The following ZNF277 variants were observed in gnomAD, a reference collection of about 807,000 sequenced individuals.
The protein encoded by ZNF277 is zinc finger protein 277.
A neutral mutation model predicts 60.7 loss-of-function variants in ZNF277; 55 were observed. That is an observed-to-expected ratio of 0.91 (90% confidence interval 0.73 to 1.13). ZNF277 has a LOEUF of 1.13. Ranked by LOEUF, ZNF277 falls within the 50% of genes most tolerant of loss-of-function variation. The probability of loss-of-function intolerance (pLI) is 0.00; values close to 1 mark genes in which losing one functional copy is unlikely to be tolerated. For synonymous variants in ZNF277, 178 were observed against 179.3 expected (o/e 0.99, Z 0.06); for missense variants, 510 against 523.0 (o/e 0.98, Z 0.24).
chr7:112,333,443 A>T (rs1391059065), intron 7 of ZNF277, among the ~76,000 whole-genome samples: 1 of 152,172 alleles, frequency 6.6e-6, no homozygotes, highest in Non-Finnish European at 1.5e-5. Context: ...ACCCTTTGTA[A>T]TGGTATATGG....
intron 1 of ZNF277, among the ~76,000 whole-genome samples, chr7:112,232,772 A>C (rs916973030): frequency 6.6e-6 from 1 of 152,196 alleles, no homozygotes. Context: ...CTGAAGTTTT[A>C]TCTATGGTCA....
intron 1 of ZNF277, among the ~76,000 whole-genome samples, chr7:112,224,207 A>G (rs1360008244): frequency 6.6e-6 from 1 of 152,262 alleles, no homozygotes; most frequent in Non-Finnish European, 1.5e-5. Context: ...GGGGTGTCCT[A>G]TCTTTTGGCT....
At position 112,309,724 on chromosome 7, in the gene ZNF277, C is replaced by T. The variant is rs554790012; in HGVS notation, c.466-8458C>T. On this transcript the variant is annotated intron_variant, in intron 4 of 11. Coordinates refer to ENST00000361822, the MANE Select transcript of ZNF277 (RefSeq NM_021994.3). Reference sequence around the variant, plus strand: ...CACAGACTATCCTCACTTCAAACACCAGCCACAAATTGGGGGTTCCTCAGG... The same window carrying T: ...CACAGACTATCCTCACTTCAAACACTAGCCACAAATTGGGGGTTCCTCAGG... Among the ~76,000 whole-genome samples the T allele has an allele frequency of 1.1e-4, 16 of 152,044 alleles. 1 individual carries two copies. The South Asian group carries it at 3.3e-3, about 31-fold the overall frequency.
chr7:112,257,079 T>A (rs1403417433), intron 1 of ZNF277, among the ~76,000 whole-genome samples: 1 of 152,202 alleles, frequency 6.6e-6, no homozygotes, highest in Non-Finnish European at 1.5e-5. Context: ...GTAGTTATTT[T>A]TCAATGGGAT....
At chr7:112,257,559 G>A (rs1345866932) in intron 1 of ZNF277, among the ~76,000 whole-genome samples, 2 of 152,054 alleles carry the variant, frequency 1.3e-5, no homozygotes, top group African/African-American at 2.4e-5. Flanking sequence ...ACAGGTATTA[G>A]ACTTCATTAG....
chr7:112,289,497 C>G (rs988388339), intron 2 of ZNF277, among the ~76,000 whole-genome samples: 1 of 152,224 alleles, frequency 6.6e-6, no homozygotes, highest in Non-Finnish European at 1.5e-5. Flanking sequence ...GACATACTCT[C>G]TGCTCCTCAT....
At chr7:112,214,899 C>A (rs1027201854) in intron 1 of ZNF277, among the ~76,000 whole-genome samples, 6 of 151,986 alleles carry the variant, frequency 3.9e-5, no homozygotes, top group African/African-American at 1.5e-4. Flanking sequence ...GAATTTGTAG[C>A]TTTTTAGCAG....
intron 4 of ZNF277, among the ~76,000 whole-genome samples, chr7:112,307,844 A>C (rs557740439): frequency 6.6e-6 from 1 of 151,800 alleles, no homozygotes; most frequent in Admixed American, 6.6e-5. Flanking sequence ...CATTTTATAG[A>C]GTTCTAAAAG....
intron 1 of ZNF277, among the ~76,000 whole-genome samples, chr7:112,227,882 A>G (rs911387338): frequency 1.3e-5 from 2 of 152,016 alleles, no homozygotes; most frequent in Admixed American, 6.5e-5. Flanking sequence ...GCTTGTAGAG[A>G]GAGAAATTTT....
chr7:112,265,162 C>G (rs533705343), intron 1 of ZNF277, among the ~76,000 whole-genome samples: 17 of 152,312 alleles, frequency 1.1e-4, no homozygotes, highest in Middle Eastern at 3.4e-3. Context: ...GGCTGGTTAG[C>G]ACAAAAGGCC....
chr7:112,318,681 G>C (rs1057125311), intron 5 of ZNF277, among the ~76,000 whole-genome samples: 1 of 151,998 alleles, frequency 6.6e-6, no homozygotes, highest in Non-Finnish European at 1.5e-5. Context: ...AACCCCAGCT[G>C]GTCCAAAACC....
At chr7:112,338,460 A>G (rs557650492) in intron 9 of ZNF277, among the ~76,000 whole-genome samples, 1 of 152,254 alleles carries the variant, frequency 6.6e-6, no homozygotes, top group South Asian at 2.1e-4. Flanking sequence ...ATGATTCATG[A>G]TAGTATCACA....
intron 1 of ZNF277, among the ~76,000 whole-genome samples, chr7:112,267,186 A>G (rs1023112167): frequency 2.6e-5 from 4 of 152,226 alleles, no homozygotes; most frequent in Admixed American, 6.5e-5. Context: ...GACCACTGCT[A>G]TAGCCTCTTA....
intron 1 of ZNF277, among the ~76,000 whole-genome samples, chr7:112,247,967 C>CA (rs10717200): frequency 3.5e-5 from 5 of 144,644 alleles, no homozygotes; most frequent in African/African-American, 5.1e-5. Context: ...AACTCCATCT[C>CA]AAAAAAAAAA....
At chr7:112,289,741 G>T (rs1456297778) in intron 2 of ZNF277, among the ~76,000 whole-genome samples, 2 of 152,016 alleles carry the variant, frequency 1.3e-5, no homozygotes, top group African/African-American at 4.8e-5. Flanking sequence ...TCTTTAATAT[G>T]AAACCTTTAT....
intron 1 of ZNF277, among the ~76,000 whole-genome samples, chr7:112,280,005 G>A (rs928447703): frequency 6.6e-6 from 1 of 152,100 alleles, no homozygotes; most frequent in African/African-American, 2.4e-5. Context: ...AAATTCCTGT[G>A]TAATTTATTT....
intron 1 of ZNF277, among the ~76,000 whole-genome samples, chr7:112,240,249 G>T (rs1790915495): frequency 6.6e-6 from 1 of 152,106 alleles, no homozygotes; most frequent in Non-Finnish European, 1.5e-5. Flanking sequence ...GGATATCAAA[G>T]AGATTTCTGT....
At chr7:112,284,509 T>G (rs1464849804) in intron 1 of ZNF277, among the ~76,000 whole-genome samples, 1 of 152,162 alleles carries the variant, frequency 6.6e-6, no homozygotes, top group Non-Finnish European at 1.5e-5. Flanking sequence ...CCTATGAAAG[T>G]TAACCTACTA....
At chr7:112,207,970 A>T (rs540969272) in intron 1 of ZNF277, among the ~76,000 whole-genome samples, 10 of 152,238 alleles carry the variant, frequency 6.6e-5, no homozygotes, top group Non-Finnish European at 1.3e-4. Flanking sequence ...TGGGTTGGTT[A>T]TATATTGGGC....
Sources: allele counts gnomAD v4.1 joint callset (sites outside exome capture counted in the v4.1 genomes callset), GRCh38; gene constraint gnomAD v4.1.1; transcripts MANE v1.5; gene names NCBI Gene and HGNC (gene_info 2026-07-23, HGNC 2026-07-21).